The following PPM1D variants were observed in gnomAD, a reference collection of about 807,000 sequenced individuals.
The protein encoded by PPM1D is protein phosphatase, Mg2+/Mn2+ dependent 1D.
A neutral mutation model predicts 58.3 loss-of-function variants in PPM1D; 52 were observed. The ratio of observed to expected loss-of-function variants is 0.89; its 90% CI spans 0.71 to 1.12. The LOEUF (loss-of-function observed/expected upper bound fraction) is 1.12. Among genes scored for constraint, PPM1D ranks in the 50% most tolerant of loss-of-function variants. The probability of loss-of-function intolerance (pLI) is 0.00; values close to 1 mark genes in which losing one functional copy is unlikely to be tolerated. For missense variants in PPM1D, 564 were observed against 777.2 expected (o/e 0.73, Z 3.26); for synonymous variants, 278 against 285.1 (o/e 0.98, Z 0.25).
chr17:60,649,859 A>G (rs2031312375), intron 4 of PPM1D, among the ~76,000 whole-genome samples: 1 of 152,228 alleles, frequency 6.6e-6, no homozygotes, highest in South Asian at 2.1e-4. Context: ...TTTTAAGGTG[A>G]GAGTCATCTT....
chr17:60,636,261 A>G (rs759997228), intron 3 of PPM1D, among the ~76,000 whole-genome samples: 1 of 152,162 alleles, frequency 6.6e-6, no homozygotes, highest in Non-Finnish European at 1.5e-5. Context: ...AAGTATATCA[A>G]ATAATTTGTG....
intron 3 of PPM1D, among the ~76,000 whole-genome samples, chr17:60,638,247 T>C (rs184981336): frequency 6.6e-6 from 1 of 152,360 alleles, no homozygotes; most frequent in East Asian, 1.9e-4. Context: ...TTTTTTCCTC[T>C]TGATTTCTCT....
Position 60,663,054 on chromosome 17 carries a change from T to A in PPM1D, c.1320T>A (p.Val440=), listed in dbSNP as rs1028654653. The change falls in exon 6 of 6, where the codon GTT becomes GTA. Residue 440 remains valine, a synonymous_variant. Coordinates refer to ENST00000305921, the MANE Select transcript of PPM1D (RefSeq NM_003620.4). ...CTAAGGACCATATACCTGCCCTGGT[T>A]CGTAGCAATGCCTTCTCAGAGAATT... ...VNSKDHIPAL[V]RSNAFSENFL... The A allele has an allele frequency of 2.5e-6, 4 of 1,614,076 alleles. No homozygotes were observed. In the African/African-American group the frequency reaches 5.3e-5, roughly 22 times the overall value.
intron 1 of PPM1D, among the ~76,000 whole-genome samples, chr17:60,614,842 A>G (rs1487760158): frequency 1.3e-5 from 2 of 152,136 alleles, no homozygotes; most frequent in African/African-American, 2.4e-5. Flanking sequence ...ACCAGAAGGA[A>G]GAAACTCCGA....
At chr17:60,604,899 A>G (rs1443307246) in intron 1 of PPM1D, among the ~76,000 whole-genome samples, 2 of 151,906 alleles carry the variant, frequency 1.3e-5, no homozygotes, top group Non-Finnish European at 2.9e-5. Flanking sequence ...GCTCACTGCA[A>G]CCTCCTCCTC....
intron 4 of PPM1D, among the ~76,000 whole-genome samples, chr17:60,649,098 T>C (rs9899892): frequency 0.042 from 6,328 of 151,486 alleles, 359 homozygotes; most frequent in African/African-American, 0.13. Context: ...TGTTTTTTTT[T>C]CCCCCCAAGA....
intron 2 of PPM1D, among the ~76,000 whole-genome samples, chr17:60,624,480 A>G (rs910339591): frequency 6.6e-6 from 1 of 152,150 alleles, no homozygotes; most frequent in Non-Finnish European, 1.5e-5. Context: ...GAGAAACGAC[A>G]AACTAAGGAA....
intron 4 of PPM1D, among the ~76,000 whole-genome samples, chr17:60,651,826 T>C (rs2031348771): frequency 6.6e-6 from 1 of 152,112 alleles, no homozygotes; most frequent in African/African-American, 2.4e-5. Flanking sequence ...CAAAAAAGAA[T>C]ATCATAGTAA....
At chr17:60,614,242 T>G (rs184460061) in intron 1 of PPM1D, among the ~76,000 whole-genome samples, 1 of 152,228 alleles carries the variant, frequency 6.6e-6, no homozygotes, top group Non-Finnish European at 1.5e-5. Context: ...GATGCAACAA[T>G]CAGCACTCTG....
At chr17:60,627,021 G>T (rs1369819595) in intron 2 of PPM1D, among the ~76,000 whole-genome samples, 2 of 152,256 alleles carry the variant, frequency 1.3e-5, no homozygotes, top group South Asian at 2.1e-4. Flanking sequence ...GTACATTAAA[G>T]AAATTAGTCT....
At chr17:60,600,956 C>T in intron 1 of PPM1D, 70 bp downstream of exon 1, 1 of 1,594,046 alleles carries the variant, frequency 6.3e-7, no homozygotes, top group Non-Finnish European at 8.5e-7. Context: ...GCACCAGCCC[C>T]GCGTGGGCCC....
chr17:60,633,175 CT>C (rs2030959972), intron 2 of PPM1D, among the ~76,000 whole-genome samples: 1 of 151,946 alleles, frequency 6.6e-6, no homozygotes, highest in African/African-American at 2.4e-5. Flanking sequence ...ATCCAAGCTA[CT>C]CGGGAGGCTT....
chr17:60,608,519 T>G (rs2030380294), intron 1 of PPM1D, among the ~76,000 whole-genome samples: 1 of 152,030 alleles, frequency 6.6e-6, no homozygotes, highest in East Asian at 1.9e-4. Context: ...CATGCGCTGG[T>G]AGTCCCAGCT....
intron 3 of PPM1D, among the ~76,000 whole-genome samples, chr17:60,638,680 A>G (rs2031072996): frequency 6.6e-6 from 1 of 152,088 alleles, no homozygotes. Context: ...GCCTGGAAAT[A>G]ATATTTTTAA....
rs73990937 is a variant in PPM1D, at chr17:60,663,911, A to T, written c.*359A>T. On this transcript the variant is annotated 3_prime_UTR_variant, in exon 6 of 6. Coordinates refer to ENST00000305921, the MANE Select transcript of PPM1D (RefSeq NM_003620.4). ...TAGAAAAACATTTAAACTTTTTAAAATACTTATTAAAAAATTTGTATAAGC... is the reference window on the plus strand; with the variant it reads ...TAGAAAAACATTTAAACTTTTTAAATTACTTATTAAAAAATTTGTATAAGC... 7,145 of 166,782 alleles carry T rather than the reference A, an allele frequency of 0.043. 589 individuals carry two copies. The highest frequency in any genetic ancestry group is 0.16 in the African/African-American group (6,722 of 41,768). The allele number at this position is 166,782 out of a possible 1,614,324, so 10.3% of individuals were successfully genotyped here.
intron 1 of PPM1D, among the ~76,000 whole-genome samples, chr17:60,606,733 T>A (rs971136889): frequency 6.6e-6 from 1 of 152,190 alleles, no homozygotes; most frequent in Admixed American, 6.5e-5. Flanking sequence ...TTTAAATGGC[T>A]TATTTTTGTC....
intron 1 of PPM1D, among the ~76,000 whole-genome samples, chr17:60,608,966 C>G (rs2030392603): frequency 6.6e-6 from 1 of 151,846 alleles, no homozygotes; most frequent in Admixed American, 6.6e-5. Context: ...CCAGGATGGT[C>G]TCGATCTCCT....
intron 3 of PPM1D, among the ~76,000 whole-genome samples, chr17:60,637,798 A>G (rs1304185490): frequency 6.6e-6 from 1 of 152,178 alleles, no homozygotes; most frequent in African/African-American, 2.4e-5. Context: ...AAAAAATCTA[A>G]AAGAGTTAGG....
chr17:60,632,722 A>G (rs1212451764), intron 2 of PPM1D, among the ~76,000 whole-genome samples: 1 of 152,176 alleles, frequency 6.6e-6, no homozygotes. Context: ...GTGGTGGCCC[A>G]CGTGGTGGCT....
Sources: gnomAD v4.1 joint callset for allele counts (sites outside exome capture counted in the v4.1 genomes callset) on GRCh38, gnomAD v4.1.1 for gene constraint, MANE v1.5 for transcripts, NCBI Gene and HGNC (gene_info 2026-07-23, HGNC 2026-07-21) for gene names.